The following TBC1D22A variants were observed in gnomAD, a reference collection of about 807,000 sequenced individuals.
TBC1D22A encodes the protein TBC1 domain family member 22A, also known as putative GTPase activator.
A neutral mutation model predicts 60.2 loss-of-function variants in TBC1D22A; 38 were observed. That is an observed-to-expected ratio of 0.63 (90% confidence interval 0.49 to 0.83). The LOEUF (loss-of-function observed/expected upper bound fraction) is 0.83. TBC1D22A is among the 40% of genes least tolerant of loss of function. The pLI is 0.00. For synonymous variants in TBC1D22A, 302 were observed against 281.7 expected, an observed-to-expected ratio of 1.07 and a Z score of -0.72; for missense variants, 628 against 701.0, an observed-to-expected ratio of 0.90 and a Z score of 1.18.
intron 1 of TBC1D22A, among the ~76,000 whole-genome samples, chr22:46,787,800 C>G (rs2084223484): frequency 6.6e-6 from 1 of 151,918 alleles, no homozygotes; most frequent in African/African-American, 2.4e-5. Flanking sequence ...GGTTTCAACT[C>G]TATTATATGA....
At chr22:47,078,916 G>A (rs143209693) in intron 11 of TBC1D22A, among the ~76,000 whole-genome samples, 285 of 152,228 alleles carry the variant, frequency 1.9e-3, no homozygotes, top group South Asian at 5.0e-3. Flanking sequence ...GAAGGACGTG[G>A]ACCGATTCCA....
intron 8 of TBC1D22A, among the ~76,000 whole-genome samples, chr22:46,936,243 G>A (rs1037220899): frequency 6.6e-6 from 1 of 152,224 alleles, no homozygotes; most frequent in African/African-American, 2.4e-5. Context: ...AGGCCTGGGA[G>A]CCTCAGTGTG....
intron 12 of TBC1D22A, among the ~76,000 whole-genome samples, chr22:47,139,479 A>G (rs534643710): frequency 2.0e-5 from 3 of 152,294 alleles, no homozygotes; most frequent in East Asian, 3.9e-4. Context: ...GGCGGCCTCA[A>G]AGGGGCTCTG....
intron 9 of TBC1D22A, among the ~76,000 whole-genome samples, chr22:46,987,119 G>A (rs2074757463): frequency 6.6e-6 from 1 of 152,198 alleles, no homozygotes; most frequent in African/African-American, 2.4e-5. Flanking sequence ...GGTGGAAGCT[G>A]CATTTTTCAT....
rs1460580604 is a variant in TBC1D22A, at chr22:47,149,218, T to C, written c.1426-24280T>C. Among the ~76,000 whole-genome samples the C allele has an allele frequency of 2.0e-5, 3 of 152,082 alleles. No individual in the cohort carries two copies. In the East Asian group the frequency reaches 5.8e-4, roughly 30 times the overall value. ...CAGATGTGTCCGTGACATGTCGTGGTTGGGGGACAGGCTCTGCTGGCCTGT... is the reference window on the plus strand; with the variant it reads ...CAGATGTGTCCGTGACATGTCGTGGCTGGGGGACAGGCTCTGCTGGCCTGT... On this transcript the variant is annotated intron_variant, in intron 12 of 12. Transcript: ENST00000337137.
chr22:46,851,171 C>T (rs749183197), intron 4 of TBC1D22A, among the ~76,000 whole-genome samples: 12 of 152,170 alleles, frequency 7.9e-5, no homozygotes, highest in Admixed American at 1.3e-4. Flanking sequence ...TCAAAACATA[C>T]CTGTTGGCTT....
chr22:46,942,837 A>C (rs1345662414), intron 8 of TBC1D22A, among the ~76,000 whole-genome samples: 1 of 152,228 alleles, frequency 6.6e-6, no homozygotes, highest in East Asian at 1.9e-4. Flanking sequence ...CTTTTCCTTA[A>C]GGGTGAATGA....
At chr22:46,892,715 A>T (rs2147611350) in intron 6 of TBC1D22A, among the ~76,000 whole-genome samples, 1 of 152,374 alleles carries the variant, frequency 6.6e-6, no homozygotes, top group South Asian at 2.1e-4. Flanking sequence ...AGATTTCCAA[A>T]GGATGACACT....
At chr22:46,781,026 T>G (rs1363547273) in intron 1 of TBC1D22A, among the ~76,000 whole-genome samples, 1 of 152,238 alleles carries the variant, frequency 6.6e-6, no homozygotes, top group East Asian at 1.9e-4. Context: ...GGACCCATTC[T>G]CTTTCTCTTG....
At chr22:47,057,792 T>TGG (rs1255311582) in intron 11 of TBC1D22A, among the ~76,000 whole-genome samples, 1 of 151,960 alleles carries the variant, frequency 6.6e-6, no homozygotes, top group Non-Finnish European at 1.5e-5. Flanking sequence ...CCATAACACG[T>TGG]GGGGATTATG....
At chr22:47,066,463 A>G (rs2063777302) in intron 11 of TBC1D22A, among the ~76,000 whole-genome samples, 1 of 152,280 alleles carries the variant, frequency 6.6e-6, no homozygotes, top group Middle Eastern at 3.4e-3. Flanking sequence ...ACAGTATATC[A>G]TGGCTCAGCC....
At position 46,831,228 on chromosome 22, in the gene TBC1D22A, C is replaced by T. The variant is rs138679004; in HGVS notation, c.637+33608C>T. On this transcript the variant is annotated intron_variant, in intron 4 of 12. Coordinates refer to ENST00000337137, the MANE Select transcript of TBC1D22A (RefSeq NM_014346.5). ...ATTTCCATAGGAGGGAGGATGCTGA[C>T]GTGGAGGACCTCCTGTGTGTCTGAC... Among the ~76,000 whole-genome samples, 581 of 152,244 alleles carry T rather than the reference C, an allele frequency of 3.8e-3. 3 individuals are homozygous for T. The highest frequency in any genetic ancestry group is 6.8e-3 in the Middle Eastern group (2 of 294).
At chr22:46,938,782 C>T (rs1194990184) in intron 8 of TBC1D22A, among the ~76,000 whole-genome samples, 1 of 151,956 alleles carries the variant, frequency 6.6e-6, no homozygotes, top group Admixed American at 6.6e-5. Flanking sequence ...GATGGGGTTT[C>T]ACCATGTTGG....
intron 11 of TBC1D22A, among the ~76,000 whole-genome samples, chr22:47,095,069 T>C (rs546448982): frequency 3.9e-5 from 6 of 152,382 alleles, no homozygotes; most frequent in South Asian, 2.1e-4. Flanking sequence ...CAGCTCTTAC[T>C]ACAGCCCATG....
chr22:46,839,593 A>C (rs2086665626), intron 4 of TBC1D22A, among the ~76,000 whole-genome samples: 1 of 152,244 alleles, frequency 6.6e-6, no homozygotes, highest in African/African-American at 2.4e-5. Flanking sequence ...GAAGAAAAAC[A>C]ATCCTAAAAT....
chr22:46,854,770 G>T (rs968616508), intron 4 of TBC1D22A, among the ~76,000 whole-genome samples: 1 of 152,070 alleles, frequency 6.6e-6, no homozygotes, highest in Admixed American at 6.5e-5. Context: ...ACAGCTCCCC[G>T]TTGCTTGCAG....
rs947149248 is a variant in TBC1D22A, at chr22:46,819,005, T to C, written c.637+21385T>C. Among the ~76,000 whole-genome samples, 8 of 152,294 alleles carry C rather than the reference T, an allele frequency of 5.3e-5. No homozygotes were observed. The East Asian group carries it at 1.5e-3, about 29-fold the overall frequency. The stretch of plus-strand genomic sequence containing the variant: ...ATTCTCTTTGTAGCAATTGTGAATG[T>C]GAGTTCATTCATGATTTGACTCTCT... On this transcript the variant is annotated intron_variant, in intron 4 of 12. Transcript: ENST00000337137.
intron 9 of TBC1D22A, among the ~76,000 whole-genome samples, chr22:46,983,194 G>A (rs1262091996): frequency 1.3e-5 from 2 of 152,236 alleles, no homozygotes; most frequent in Non-Finnish European, 2.9e-5. Context: ...CTGGTCAGAG[G>A]TTTCCACAGT....
chr22:47,152,746 C>T (rs1046357359), intron 12 of TBC1D22A, among the ~76,000 whole-genome samples: 1 of 152,178 alleles, frequency 6.6e-6, no homozygotes, highest in African/African-American at 2.4e-5. Context: ...TTTACAGGCC[C>T]GGGCACGGGG....
Sources: gnomAD v4.1 joint callset for allele counts (sites outside exome capture counted in the v4.1 genomes callset) on GRCh38, gnomAD v4.1.1 for gene constraint, MANE v1.5 for transcripts, NCBI Gene and HGNC (gene_info 2026-07-23, HGNC 2026-07-21) for gene names.